The following SSR1 variants were observed in gnomAD, a reference collection of about 807,000 sequenced individuals.
SSR1 encodes translocon-associated protein subunit alpha.
A neutral mutation model predicts 36.1 loss-of-function variants in SSR1; 13 were observed. The ratio of observed to expected loss-of-function variants is 0.36; its 90% CI spans 0.23 to 0.57. The LOEUF (loss-of-function observed/expected upper bound fraction) is 0.57. SSR1 is among the 20% of genes least tolerant of loss of function. The pLI is 0.81. For synonymous variants in SSR1, 113 were observed against 118.9 expected (o/e 0.95, Z 0.32); for missense variants, 291 against 338.5 (o/e 0.86, Z 1.10).
chr6:7,299,039 G>T (rs1279763131), intron 4 of SSR1, among the ~76,000 whole-genome samples: 1 of 152,160 alleles, frequency 6.6e-6, no homozygotes, highest in East Asian at 1.9e-4. Flanking sequence ...AGGTGAGATG[G>T]CGTATGCCTG....
chr6:7,301,539 A>G lies in SSR1; in HGVS notation c.314T>C (p.Val105Ala). 6.2e-7 allele frequency: 1 copy of G among 1,612,464 alleles called. No individual in the cohort carries two copies. Among genetic ancestry groups the G allele is most frequent in the African/African-American group, 1.3e-5 (1 of 74,942 alleles). The change falls in exon 4 of 8, where the codon GTA becomes GCA. Residue 105 changes from valine to alanine, a missense_variant. Coordinates refer to ENST00000244763, the MANE Select transcript of SSR1 (RefSeq NM_003144.5). The part of the protein sequence containing the change: ...FPANNIVKFL[V>A]GFTNKGTEDF... ...TTCTGTACCCTTGTTGGTAAAGCCT[A>G]CCAGGAACTTCACAATGTTATTTGC...
chr6:7,289,184 G>C lies in SSR1; in HGVS notation c.*680C>G, dbSNP rs1387081478. On this transcript the variant is annotated 3_prime_UTR_variant, in exon 8 of 8. Coordinates refer to ENST00000244763, the MANE Select transcript of SSR1 (RefSeq NM_003144.5). ...ACTAGTTTCTTTTTGTTAAAAAAGG[G>C]GGTAGGATTAGGTTTCATATATTAA... 1.3e-5 allele frequency: 2 copies of C among 152,132 alleles called. No homozygotes were observed. The highest frequency in any genetic ancestry group is 2.4e-5 in the African/African-American group (1 of 41,410). 9.4% of individuals were successfully genotyped at this position (152,132 alleles called of 1,614,324 possible).
Position 7,288,275 on chromosome 6 carries a change from A to C in SSR1, c.*1589T>G, listed in dbSNP as rs1763711851. On this transcript the variant is annotated 3_prime_UTR_variant, in exon 8 of 8. Transcript: ENST00000244763. ...CCATGCAGTTACTTAGAGCTCATAGAGCTTTCTCAAAATCAACTACTGATC... is the reference window on the plus strand; with the variant it reads ...CCATGCAGTTACTTAGAGCTCATAGCGCTTTCTCAAAATCAACTACTGATC... The C allele has an allele frequency of 6.6e-6, 1 of 152,228 alleles. No homozygotes were observed. Among genetic ancestry groups the C allele is most frequent in the African/African-American group, 2.4e-5 (1 of 41,462 alleles). 9.4% of individuals were successfully genotyped at this position (152,228 alleles called of 1,614,324 possible).
At position 7,284,284 on chromosome 6, in the gene SSR1, G is replaced by GT. The variant is rs1461006031; in HGVS notation, c.*5579dup. On this transcript the variant is annotated 3_prime_UTR_variant, in exon 8 of 8. Coordinates refer to ENST00000244763, the MANE Select transcript of SSR1 (RefSeq NM_003144.5). ...TTTAAAAAGAACTGGATGTGCAGGT[G>GT]TAAGAGATTTATTACAAAACAAAAA... 1 of 152,128 alleles carries GT rather than the reference G, an allele frequency of 6.6e-6. No homozygotes were observed. The highest frequency in any genetic ancestry group is 1.9e-4 in the East Asian group (1 of 5,202). The allele number at this position is 152,128 out of a possible 1,614,324, so 9.4% of individuals were successfully genotyped here.
intron 7 of SSR1, among the ~76,000 whole-genome samples, chr6:7,293,306 T>G (rs1757723106): frequency 6.6e-6 from 1 of 152,124 alleles, no homozygotes; most frequent in African/African-American, 2.4e-5. Context: ...CCAAGCTGTG[T>G]ATACGATAAC....
rs994626099 is a variant in SSR1 at position 7,287,877 on chromosome 6, C to A, written c.*1987G>T. Reference sequence around the variant, plus strand: ...AAATACTTACTGATGCTAGAGCAGACCCCTGGCATCTGAGGATTTAAGAGT... The same window carrying A: ...AAATACTTACTGATGCTAGAGCAGAACCCTGGCATCTGAGGATTTAAGAGT... On this transcript the variant is annotated 3_prime_UTR_variant, in exon 8 of 8. Coordinates refer to ENST00000244763, the MANE Select transcript of SSR1 (RefSeq NM_003144.5). 1 of 152,446 alleles carries A rather than the reference C, an allele frequency of 6.6e-6. No individual in the cohort carries two copies. The highest frequency in any genetic ancestry group is 2.1e-4 in the South Asian group (1 of 4,818). The allele number at this position is 152,446 out of a possible 1,614,324, so 9.4% of individuals were successfully genotyped here. A position where few individuals can be genotyped will look rare whatever the true frequency, so the allele number is the denominator to read the frequency against.
intron 4 of SSR1, among the ~76,000 whole-genome samples, chr6:7,299,689 C>CA (rs752427852): frequency 0.12 from 13,908 of 113,056 alleles, 749 homozygotes; most frequent in Middle Eastern, 0.18. Context: ...ACTCCCACCT[C>CA]AAAAAAAAAA....
At chr6:7,305,118 A>G (rs1758027592) in intron 2 of SSR1, among the ~76,000 whole-genome samples, 1 of 152,254 alleles carries the variant, frequency 6.6e-6, no homozygotes, top group African/African-American at 2.4e-5. Flanking sequence ...GGAACAGGGT[A>G]TATTTCAGCA....
At position 7,309,944 on chromosome 6, in the gene SSR1, C is replaced by A. The variant is rs532937897; in HGVS notation, c.165G>T (p.Glu55Asp). 53 of 1,613,738 alleles carry A rather than the reference C, an allele frequency of 3.3e-5. No individual in the cohort carries two copies. Among genetic ancestry groups the A allele is most frequent in the Non-Finnish European group, 4.4e-5 (52 of 1,179,902 alleles). Residue 55 changes from glutamate to aspartate, a missense_variant, in exon 2 of 8, where the codon GAG becomes GAT. By Grantham distance (45) the Glu-to-Asp change is conservative (BLOSUM62 2). Transcript: ENST00000244763. ...SIIEDEDDEA[E>D]VEEDEPTDLV... ...AATCTGTGGGTTCATCTTCTTCTAC[C>A]TCGGCTTCATCATCTTCATCCTCAA...
chr6:7,302,214 AG>A (rs1757951887), intron 3 of SSR1, among the ~76,000 whole-genome samples: 1 of 152,244 alleles, frequency 6.6e-6, no homozygotes, highest in South Asian at 2.1e-4. Context: ...TTCAATATTA[AG>A]TCTTCAATAA....
chr6:7,302,628 G>A (rs931728546), intron 3 of SSR1, among the ~76,000 whole-genome samples: 4 of 151,932 alleles, frequency 2.6e-5, no homozygotes, highest in African/African-American at 9.7e-5. Flanking sequence ...TGGGCGTGAT[G>A]GAGCGTGCCT....
chr6:7,301,253 C>G, intron 4 of SSR1, 57 bp downstream of exon 4: 1 of 1,568,426 alleles, frequency 6.4e-7, no homozygotes, highest in Non-Finnish European at 8.6e-7. Context: ...TATTAAACAA[C>G]GTCACCGCCC....
At chr6:7,291,342 G>A (rs1757675440) in intron 7 of SSR1, among the ~76,000 whole-genome samples, 1 of 150,586 alleles carries the variant, frequency 6.6e-6, no homozygotes, top group African/African-American at 2.4e-5. Flanking sequence ...AGGTTGCAGT[G>A]AGCCGAGATC....
chr6:7,293,117 G>T (rs989511638), intron 7 of SSR1, among the ~76,000 whole-genome samples: 1 of 151,362 alleles, frequency 6.6e-6, no homozygotes, highest in East Asian at 1.9e-4. Flanking sequence ...GGAACCGGTG[G>T]ATACAAAAAG....
intron 2 of SSR1, among the ~76,000 whole-genome samples, chr6:7,306,649 G>T (rs1373003629): frequency 1.3e-5 from 2 of 150,640 alleles, no homozygotes; most frequent in African/African-American, 4.9e-5. Flanking sequence ...AGGTGCAGTG[G>T]CTCATGCCTG....
Position 7,285,696 on chromosome 6 carries a change from G to T in SSR1, c.*4168C>A, listed in dbSNP as rs1421043252. ...CCCATGTCAAAAAAAAAAAGAAAAAGAAAAAGAAAAAAGATAAAAGCAGCT... is the reference window on the plus strand; with the variant it reads ...CCCATGTCAAAAAAAAAAAGAAAAATAAAAAGAAAAAAGATAAAAGCAGCT... On this transcript the variant is annotated 3_prime_UTR_variant, in exon 8 of 8. Coordinates refer to ENST00000244763, the MANE Select transcript of SSR1 (RefSeq NM_003144.5). This position sits in a 1 kb window ranked among gnomAD's most constrained non-coding sequence, Gnocchi z 4.1. 6.6e-6 allele frequency: 1 copy of T among 151,392 alleles called. No homozygotes were observed. The highest frequency in any genetic ancestry group is 1.5e-5 in the Non-Finnish European group (1 of 67,984). 9.4% of individuals were successfully genotyped at this position (151,392 alleles called of 1,614,324 possible).
At chr6:7,308,201 G>A (rs1758112088) in intron 2 of SSR1, among the ~76,000 whole-genome samples, 1 of 152,166 alleles carries the variant, frequency 6.6e-6, no homozygotes, top group Non-Finnish European at 1.5e-5. Flanking sequence ...AGTTCCTAAA[G>A]AGGGGGAAAT....
chr6:7,301,854 G>A lies in SSR1; in HGVS notation c.281-282C>T, dbSNP rs188528156. Among the ~76,000 whole-genome samples, 7 of 151,674 alleles carry A rather than the reference G, an allele frequency of 4.6e-5. No individual in the cohort carries two copies. In the East Asian group the frequency reaches 1.2e-3, roughly 26 times the overall value. On this transcript the variant is annotated intron_variant, in intron 3 of 7. Coordinates refer to ENST00000244763, the MANE Select transcript of SSR1 (RefSeq NM_003144.5). ...AAATCATGTGGTAAAAAAGAGTTGC[G>A]TATTTTTGGCAGTGAAATAATCAAG...
In SSR1 at chr6:7,306,872, ACG is replaced by A. The variant is rs1240478761; in HGVS notation, c.192+3043_192+3044del. Among the ~76,000 whole-genome samples the A allele has an allele frequency of 3.3e-4, 45 of 135,216 alleles. 1 individual carries two copies. In the South Asian group the frequency reaches 5.1e-3, roughly 15 times the overall value. The allele number at this position is 135,216 out of a possible 152,430, so 88.7% of individuals were successfully genotyped here. A position where few individuals can be genotyped will look rare whatever the true frequency, so the allele number is the denominator to read the frequency against. ...TGGAGCTTGCAGTGAGCGGAGATCC[ACG>A]CCACTGCACTCCAGCCTGGGCGACA... On this transcript the variant is annotated intron_variant, in intron 2 of 7. Transcript: ENST00000244763.
Sources: allele counts gnomAD v4.1 joint callset (sites outside exome capture counted in the v4.1 genomes callset), GRCh38; gene constraint gnomAD v4.1.1; non-coding constraint Gnocchi (gnomAD v3.1); transcripts MANE v1.5; gene names NCBI Gene and HGNC (gene_info 2026-07-23, HGNC 2026-07-21).